The following RNF10 variants were observed in gnomAD, a reference collection of about 807,000 sequenced individuals.
RNF10 encodes the protein E3 ubiquitin-protein ligase RNF10.
Under a neutral mutation model 91.4 loss-of-function variants are expected in RNF10, and 38 were observed. That is an observed-to-expected ratio of 0.42 (90% CI 0.32 to 0.54). The LOEUF (loss-of-function observed/expected upper bound fraction) is 0.54. RNF10 is among the 20% of genes least tolerant of loss of function. The pLI is 0.16. For synonymous variants in RNF10, 364 were observed against 366.3 expected, an observed-to-expected ratio of 0.99 and a Z score of 0.07; for missense variants, 945 against 1,012.0, an observed-to-expected ratio of 0.93 and a Z score of 0.90.
rs978877228 is a variant in RNF10 at position 120,558,011 on chromosome 12, C to T, written c.967+329C>T. On this transcript the variant is annotated intron_variant, in intron 6 of 16. Transcript: ENST00000325954. ...TCAGTAGTCCGATAGAAGAGACAGA[C>T]TGGTAGACTGGCCATTAGGATAAAG... Among the ~76,000 whole-genome samples, 36 of 152,170 alleles carry T rather than the reference C, an allele frequency of 2.4e-4. 1 individual carries two copies. Among genetic ancestry groups the T allele is most frequent in the Non-Finnish European group, 5.9e-5 (4 of 68,042 alleles).
intron 6 of RNF10, among the ~76,000 whole-genome samples, chr12:120,558,416 A>G (rs1371952589): frequency 6.6e-6 from 1 of 151,858 alleles, no homozygotes; most frequent in African/African-American, 2.4e-5. Flanking sequence ...GACTGTTTAA[A>G]TGTTTAGCAA....
At chr12:120,569,856 T>G (rs114971948) in intron 13 of RNF10, among the ~76,000 whole-genome samples, 1,708 of 151,840 alleles carry the variant, frequency 0.011, 33 homozygotes, top group African/African-American at 0.04. Flanking sequence ...ATACCGAGAT[T>G]GTGTTTTCAC....
At chr12:120,573,477 A>G (rs1200615100) in intron 14 of RNF10, among the ~76,000 whole-genome samples, 2 of 152,050 alleles carry the variant, frequency 1.3e-5, no homozygotes. Context: ...CATAGGTGAC[A>G]TTTTGATTAC....
In RNF10 at chr12:120,546,571, CTCT is replaced by C. The variant is rs776207559; in HGVS notation, c.329_331del (p.Ser110del). ...GCGGCGGCAGCAGCAAACTCTTTAG[CTCT>C]TCTTTTAATGGTGGAAGACGAGATG... On this transcript the variant is annotated inframe_deletion, in exon 2 of 17. Coordinates refer to ENST00000325954, the MANE Select transcript of RNF10 (RefSeq NM_014868.5). 16 of 1,613,408 alleles carry C rather than the reference CTCT, an allele frequency of 9.9e-6. No homozygotes were observed. The highest frequency in any genetic ancestry group is 1.7e-5 in the Admixed American group (1 of 59,718).
At chr12:120,561,200 TAAAG>T (rs1874791293) in intron 7 of RNF10, among the ~76,000 whole-genome samples, 1 of 152,214 alleles carries the variant, frequency 6.6e-6, no homozygotes, top group East Asian at 1.9e-4. Context: ...GCTATGTTCT[TAAAG>T]CAAGTTAGAG....
intron 14 of RNF10, 79 bp from the exon 15 acceptor site, chr12:120,575,552 A>T: frequency 1.3e-6 from 2 of 1,484,770 alleles, no homozygotes; most frequent in Non-Finnish European, 1.9e-6. Context: ...GTGCCTCTCC[A>T]GTTAGTCAAG....
intron 12 of RNF10, 57 bp from the exon 13 acceptor site, chr12:120,566,768 A>C: frequency 6.5e-7 from 1 of 1,548,298 alleles, no homozygotes; most frequent in South Asian, 1.2e-5. Context: ...TCTCAAAAAA[A>C]AAAAAAAAAA....
At chr12:120,542,236 C>G (rs941368226) in intron 1 of RNF10, among the ~76,000 whole-genome samples, 3 of 152,138 alleles carry the variant, frequency 2.0e-5, no homozygotes, top group African/African-American at 7.2e-5. Flanking sequence ...TCATAGCACA[C>G]CGCAGCCTCA....
intron 1 of RNF10, among the ~76,000 whole-genome samples, chr12:120,544,236 A>T (rs1196803182): frequency 6.6e-6 from 1 of 151,848 alleles, no homozygotes; most frequent in African/African-American, 2.4e-5. Flanking sequence ...AACAAAAAAA[A>T]GATAAACCAG....
At chr12:120,561,120 T>C (rs552390558) in intron 7 of RNF10, among the ~76,000 whole-genome samples, 1 of 152,334 alleles carries the variant, frequency 6.6e-6, no homozygotes, top group Non-Finnish European at 1.5e-5. Flanking sequence ...TTTAAAGCTC[T>C]TTCTAGAGCT....
intron 14 of RNF10, chr12:120,575,266 C>T (rs1877236013): frequency 8.0e-6 from 2 of 250,240 alleles, no homozygotes; most frequent in East Asian, 1.0e-4. Flanking sequence ...CTACTCACTG[C>T]TTCCTCCGAC....
chr12:120,557,708 A>C, intron 6 of RNF10, 26 bp downstream of exon 6: 1 of 1,612,908 alleles, frequency 6.2e-7, no homozygotes, highest in African/African-American at 1.3e-5. Flanking sequence ...TTTGGGGACA[A>C]ATAATCCTGG....
At chr12:120,562,646 T>G (rs1425015776) in intron 7 of RNF10, among the ~76,000 whole-genome samples, 1 of 152,144 alleles carries the variant, frequency 6.6e-6, no homozygotes, top group African/African-American at 2.4e-5. Flanking sequence ...CTGGGTGAAA[T>G]TTTATTTCTG....
At chr12:120,575,408 C>T in intron 14 of RNF10, 1 of 551,446 alleles carries the variant, frequency 1.8e-6, no homozygotes, top group East Asian at 3.1e-5. Context: ...TCCTAAGGAA[C>T]AAACAGCTTA....
In RNF10 at chr12:120,563,364, G is replaced by A. The variant is rs775210109; in HGVS notation, c.1272G>A (p.Leu424=). 4 of 1,612,258 alleles carry A rather than the reference G, an allele frequency of 2.5e-6. No individual in the cohort carries two copies. Among genetic ancestry groups the A allele is most frequent in the Non-Finnish European group, 1.7e-6 (2 of 1,179,652 alleles). The change falls in exon 9 of 17, where the codon CTG becomes CTA. Residue 424 remains leucine (L), a synonymous_variant. Coordinates refer to ENST00000325954, the MANE Select transcript of RNF10 (RefSeq NM_014868.5). ...FQPRKGVLEY[L]SAFDEETTEV... ...TGCAACAGGGTGTGCTGGAGTATCT[G>A]TCTGCCTTCGATGAAGAAACCACGG...
chr12:120,566,761 C>CAA (rs35194242), intron 12 of RNF10, 64 bp from the exon 13 acceptor site: 1,777 of 1,283,502 alleles, frequency 1.4e-3, no homozygotes, highest in African/African-American at 3.1e-3. Flanking sequence ...GACCCCATCT[C>CAA]AAAAAAAAAA....
intron 1 of RNF10, 36 bp from the exon 2 acceptor site, chr12:120,546,369 C>T (rs750098273): frequency 4.4e-6 from 7 of 1,584,228 alleles, no homozygotes; most frequent in Non-Finnish European, 6.0e-6. Flanking sequence ...AATGTATCAG[C>T]TTCTTAAGAC....
intron 4 of RNF10, among the ~76,000 whole-genome samples, chr12:120,555,637 A>G (rs1873870452): frequency 6.6e-6 from 1 of 151,612 alleles, no homozygotes; most frequent in East Asian, 1.9e-4. Flanking sequence ...ACAGGCACGC[A>G]CCACCACTCC....
At chr12:120,567,242 C>G (rs1238489412) in intron 13 of RNF10, among the ~76,000 whole-genome samples, 1 of 151,744 alleles carries the variant, frequency 6.6e-6, no homozygotes, top group Non-Finnish European at 1.5e-5. Flanking sequence ...TTTGACCCAC[C>G]TATTTTTGTT....
Sources: allele counts gnomAD v4.1 joint callset (sites outside exome capture counted in the v4.1 genomes callset), GRCh38; gene constraint gnomAD v4.1.1; transcripts MANE v1.5; gene names NCBI Gene and HGNC (gene_info 2026-07-23, HGNC 2026-07-21).